Variants in SAP130 observed in about 807,000 individuals in gnomAD.
SAP130 encodes Sin3A associated protein 130.
A neutral mutation model predicts 103.2 loss-of-function variants in SAP130; 16 were observed. The observed-to-expected ratio is 0.16, with a 90% confidence interval of 0.10 to 0.24. The LOEUF is 0.24. SAP130 is among the 10% of genes least tolerant of loss of function. SAP130 has a pLI of 1.00. For synonymous variants in SAP130, 477 were observed against 497.0 expected (o/e 0.96, Z 0.53); for missense variants, 990 against 1,359.7 (o/e 0.73, Z 4.28).
chr2:128,000,496 T>G (rs372753015), intron 7 of SAP130, 42 bp from the exon 8 acceptor site: 3 of 1,609,534 alleles, frequency 1.9e-6, no homozygotes, highest in African/African-American at 1.3e-5. Flanking sequence ...GGCAAGGTCA[T>G]TTACAATCTT....
In SAP130 at chr2:127,996,371, A is replaced by G; in HGVS notation, c.1334T>C (p.Met445Thr). The G allele has an allele frequency of 6.2e-7, 1 of 1,605,886 alleles. No homozygotes were observed. Among genetic ancestry groups the G allele is most frequent in the Non-Finnish European group, 8.5e-7 (1 of 1,176,190 alleles). ...GHRASPNPVAMETRSDNRPSV... is the reference protein window; with the variant it reads ...GHRASPNPVATETRSDNRPSV... ...CTACCTGTTGTCACTTCGGGTTTCCATGGCCACAGGATTGGGAGAGGCCCG... is the reference window on the plus strand; with the variant it reads ...CTACCTGTTGTCACTTCGGGTTTCCGTGGCCACAGGATTGGGAGAGGCCCG... The change falls in exon 11 of 21, where the codon ATG becomes ACG. Residue 445 changes from methionine to threonine, a missense_variant. Coordinates refer to ENST00000643581, the MANE Select transcript of SAP130 (RefSeq NM_001330301.2). This position sits in a 1 kb window ranked among gnomAD's most constrained non-coding sequence, Gnocchi z 4.3.
chr2:127,961,153 C>T (rs1680221112), intron 15 of SAP130, among the ~76,000 whole-genome samples: 1 of 151,694 alleles, frequency 6.6e-6, no homozygotes, highest in Middle Eastern at 3.2e-3. Flanking sequence ...CCACACCCAA[C>T]TAATTTTTGT....
rs1685492227 is a variant in SAP130 at position 128,026,289 on chromosome 2, T to C, written c.4A>G (p.Ser2Gly). ...CCTAACCGAGGAAACTGTTGAGAAC[T>C]CATTTCCACCTGTAGTACATACAGT... M[S>G]SQQFPRLGAP... The change falls in exon 2 of 21, where the codon AGT (serine) becomes GGT (glycine). Residue 2 changes from serine (S) to glycine (G), a missense_variant. Ser to Gly is a moderately conservative substitution (Grantham distance 56). Transcript: ENST00000643581. 4 of 1,610,900 alleles carry C rather than the reference T, an allele frequency of 2.5e-6. No homozygotes were observed. In the South Asian group the frequency reaches 4.4e-5, roughly 18 times the overall value.
At chr2:127,995,812 C>T (rs937704868) in intron 11 of SAP130, among the ~76,000 whole-genome samples, 3 of 152,044 alleles carry the variant, frequency 2.0e-5, no homozygotes, top group South Asian at 2.1e-4. Context: ...ATAACCAATA[C>T]GGGAAAAACA....
At chr2:128,020,925 G>A (rs992418430) in intron 2 of SAP130, among the ~76,000 whole-genome samples, 5 of 152,056 alleles carry the variant, frequency 3.3e-5, no homozygotes, top group African/African-American at 1.2e-4. Context: ...GAACCCAGGA[G>A]GCAGAGGTTG....
intron 2 of SAP130, among the ~76,000 whole-genome samples, chr2:128,023,926 T>TA (rs750505965): frequency 0.29 from 44,262 of 151,962 alleles, 7,332 homozygotes; most frequent in African/African-American, 0.47. Flanking sequence ...AGAATAATAA[T>TA]ATTCTCTAGA....
chr2:127,978,358 T>C (rs996801371), intron 14 of SAP130, among the ~76,000 whole-genome samples: 3 of 152,146 alleles, frequency 2.0e-5, no homozygotes, highest in Admixed American at 6.5e-5. Flanking sequence ...GAAGCAACCA[T>C]TGTGACTCTT....
chr2:127,996,201 G>T lies in SAP130; in HGVS notation c.1355+149C>A. The T allele has an allele frequency of 1.3e-5, 7 of 548,352 alleles. No individual in the cohort carries two copies. Among genetic ancestry groups the T allele is most frequent in the Non-Finnish European group, 1.3e-5 (5 of 373,178 alleles). 34.0% of individuals were successfully genotyped at this position (548,352 alleles called of 1,614,324 possible). Reference sequence around the variant, plus strand: ...TTGAAAAAAATCGCACATAAAAAAAGGAATTATACGAAGTGTTACTTTCAG... The same window carrying T: ...TTGAAAAAAATCGCACATAAAAAAATGAATTATACGAAGTGTTACTTTCAG... On this transcript the variant is annotated intron_variant, in intron 11 of 20. Transcript: ENST00000643581. The surrounding 1 kb of genome is among the most constrained non-coding windows in gnomAD (Gnocchi z 4.3).
chr2:128,027,073 G>A (rs537744135), intron 1 of SAP130: 3 of 1,436,028 alleles, frequency 2.1e-6, no homozygotes, highest in African/African-American at 1.4e-5. Flanking sequence ...ACCACAAGAC[G>A]AGCACTGTGC....
At chr2:128,003,663 C>T (rs186617360) in intron 7 of SAP130, among the ~76,000 whole-genome samples, 2 of 152,064 alleles carry the variant, frequency 1.3e-5, no homozygotes, top group Admixed American at 6.5e-5. Context: ...GACTCACCCA[C>T]ACGTACCAAA....
rs370544585 is a variant in SAP130, at chr2:127,955,493, T to A, written c.2064-149A>T. On this transcript the variant is annotated intron_variant, in intron 15 of 20. Transcript: ENST00000643581. The surrounding 1 kb of genome is among the most constrained non-coding windows in gnomAD (Gnocchi z 4.9). ...TTTCCTTTTTTTAAATTTTTAATTT[T>A]AAAAAAATTTTGAGACAGGGTCTCA... The A allele has an allele frequency of 3.4e-4, 185 of 547,642 alleles. No homozygotes were observed. The highest frequency in any genetic ancestry group is 1.0e-3 in the East Asian group (31 of 31,152). 33.9% of individuals were successfully genotyped at this position (547,642 alleles called of 1,614,324 possible).
intron 15 of SAP130, among the ~76,000 whole-genome samples, chr2:127,963,673 AGAT>A (rs1209853066): frequency 6.6e-6 from 1 of 152,182 alleles, no homozygotes; most frequent in Non-Finnish European, 1.5e-5. Context: ...ACCCTGTGGG[AGAT>A]GACTGAATCA....
chr2:127,962,619 G>C (rs1680336558), intron 15 of SAP130, among the ~76,000 whole-genome samples: 1 of 150,842 alleles, frequency 6.6e-6, no homozygotes, highest in African/African-American at 2.4e-5. Flanking sequence ...TCAGCAAACT[G>C]TCACAAGGAC....
intron 14 of SAP130, among the ~76,000 whole-genome samples, chr2:127,984,505 G>A (rs1682231541): frequency 6.6e-6 from 1 of 152,208 alleles, no homozygotes; most frequent in Non-Finnish European, 1.5e-5. Flanking sequence ...AGCTTTGGAA[G>A]GGCATGTCTA....
In SAP130 at chr2:127,981,491, C is replaced by T. The variant is rs531719560; in HGVS notation, c.1959-3402G>A. On this transcript the variant is annotated intron_variant, in intron 14 of 20. Transcript: ENST00000643581. The stretch of plus-strand genomic sequence containing the variant: ...CCTCCTGCACCCCCGACTCAGCTCC[C>T]TCACCCCGACCCAGTCCTCTTGCAC... Among the ~76,000 whole-genome samples, 5 of 130,308 alleles carry T rather than the reference C, an allele frequency of 3.8e-5. No individual in the cohort carries two copies. In the South Asian group the frequency reaches 1.3e-3, roughly 35 times the overall value. The allele number at this position is 130,308 out of a possible 152,430, so 85.5% of individuals were successfully genotyped here. A position where few individuals can be genotyped will look rare whatever the true frequency, so the allele number is the denominator to read the frequency against.
chr2:128,001,572 C>G (rs968147109), intron 7 of SAP130, among the ~76,000 whole-genome samples: 1 of 152,158 alleles, frequency 6.6e-6, no homozygotes, highest in African/African-American at 2.4e-5. Flanking sequence ...TAATCTTTTA[C>G]ACTGTATTTT....
At chr2:127,956,702 TAAA>T (rs55931869) in intron 15 of SAP130, among the ~76,000 whole-genome samples, 1,374 of 111,238 alleles carry the variant, frequency 0.012, 16 homozygotes, top group African/African-American at 0.038. Context: ...TAAAGTATAA[TAAA>T]AAAAAAAAAA....
chr2:128,003,311 A>G lies in SAP130; in HGVS notation c.870-2857T>C, dbSNP rs368181870. ...TGCTTGAGCCCAGGAATTTGAGACC[A>G]GCCTGAGCAACATGGCAAGGCCCAG... On this transcript the variant is annotated intron_variant, in intron 7 of 20. Coordinates refer to ENST00000643581, the MANE Select transcript of SAP130 (RefSeq NM_001330301.2). Among the ~76,000 whole-genome samples the G allele has an allele frequency of 3.2e-4, 49 of 151,916 alleles. 1 individual carries two copies. The South Asian group carries it at 6.0e-3, about 19-fold the overall frequency.
chr2:127,963,072 T>C (rs1333843517), intron 15 of SAP130, among the ~76,000 whole-genome samples: 6 of 152,334 alleles, frequency 3.9e-5, no homozygotes, highest in African/African-American at 1.4e-4. Flanking sequence ...TTATTCTTCA[T>C]TTCTGGCAGT....
Sources: allele counts gnomAD v4.1 joint callset (sites outside exome capture counted in the v4.1 genomes callset), GRCh38; gene constraint gnomAD v4.1.1; non-coding constraint Gnocchi (gnomAD v3.1); transcripts MANE v1.5; gene names NCBI Gene and HGNC (gene_info 2026-07-23, HGNC 2026-07-21).